GOLGA1: variants seen among roughly 807,000 people sequenced by gnomAD.
GOLGA1 encodes golgin A1, also known as golgin subfamily A member 1.
Under a neutral mutation model 119.7 loss-of-function variants are expected in GOLGA1, and 63 were observed. The observed-to-expected ratio is 0.53, with a 90% CI of 0.43 to 0.65. The LOEUF (loss-of-function observed/expected upper bound fraction) is 0.65. Among genes scored for constraint, GOLGA1 ranks in the 30% least tolerant of loss-of-function variants. The pLI, the probability that GOLGA1 is intolerant of heterozygous loss-of-function variation, is 0.00. For synonymous variants in GOLGA1, 318 were observed against 333.4 expected (o/e 0.95, Z 0.50); for missense variants, 798 against 912.8 (o/e 0.87, Z 1.62).
At chr9:124,929,123 C>A (rs1564343707) in intron 5 of GOLGA1, 93 bp downstream of exon 5, 1 of 744,676 alleles carries the variant, frequency 1.3e-6, no homozygotes, top group Non-Finnish European at 2.4e-6. Context: ...AAGATTTGTG[C>A]TTTGAAGAAG....
chr9:124,937,668 C>T (rs1348533971), intron 3 of GOLGA1, among the ~76,000 whole-genome samples: 1 of 151,436 alleles, frequency 6.6e-6, no homozygotes, highest in Non-Finnish European at 1.5e-5. Flanking sequence ...ATTTATCTAA[C>T]TTAAGAGGAT....
rs1210022900 is a variant in GOLGA1 at position 124,878,591 on chromosome 9, C to G, written c.*1939G>C. ...ATTTATTCCACTCTTCCTCTTAAAG[C>G]TGAAGGAAATTCAACATGCAGGAGG... is the stretch of plus-strand genomic sequence containing the variant. On this transcript the variant is annotated 3_prime_UTR_variant, in exon 23 of 23. Coordinates refer to ENST00000373555, the MANE Select transcript of GOLGA1 (RefSeq NM_002077.4). 1 of 152,536 alleles carries G rather than the reference C, an allele frequency of 6.6e-6. No individual in the cohort carries two copies. The highest frequency in any genetic ancestry group is 1.5e-5 in the Non-Finnish European group (1 of 68,046). The allele number at this position is 152,536 out of a possible 1,614,324, so 9.4% of individuals were successfully genotyped here.
intron 15 of GOLGA1, 53 bp downstream of exon 15, chr9:124,898,496 C>T: frequency 1.0e-6 from 1 of 991,190 alleles, no homozygotes; most frequent in South Asian, 1.3e-5. Flanking sequence ...TGTAAATACA[C>T]ATGTAGAAAA....
chr9:124,880,172 A>ACATG lies in GOLGA1; in HGVS notation c.*354_*357dup, dbSNP rs1212528516. Reference sequence around the variant, plus strand: ...CGTCTCTACCTCCAGTAGCAGCGCTACATGGTGACTCAGGTGTGCCTGCCA... The same window carrying ACATG: ...CGTCTCTACCTCCAGTAGCAGCGCTACATGCATGGTGACTCAGGTGTGCCTGCCA... On this transcript the variant is annotated 3_prime_UTR_variant, in exon 23 of 23. Coordinates refer to ENST00000373555, the MANE Select transcript of GOLGA1 (RefSeq NM_002077.4). The ACATG allele has an allele frequency of 5.0e-6, 1 of 199,362 alleles. No individual in the cohort carries two copies. Among genetic ancestry groups the ACATG allele is most frequent in the Non-Finnish European group, 1.1e-5 (1 of 94,858 alleles). The allele number at this position is 199,362 out of a possible 1,614,324, so 12.3% of individuals were successfully genotyped here.
rs1830770729 is a variant in GOLGA1, at chr9:124,931,476, A to G, written c.136-70T>C. On this transcript the variant is annotated intron_variant, in intron 3 of 22. Transcript: ENST00000373555. ...GACCACAATACTGAGCCAGAAAGTG[A>G]CAAGTCTTATTTTAGGTTTGGTTAC... The G allele has an allele frequency of 7.6e-6, 6 of 791,414 alleles. No individual in the cohort carries two copies. In the South Asian group the frequency reaches 8.4e-5, roughly 11 times the overall value. 49.0% of individuals were successfully genotyped at this position (791,414 alleles called of 1,614,324 possible). A position where few individuals can be genotyped will look rare whatever the true frequency, so the allele number is the denominator to read the frequency against.
chr9:124,921,055 C>T, intron 10 of GOLGA1, 74 bp downstream of exon 10: 1 of 921,036 alleles, frequency 1.1e-6, no homozygotes, highest in South Asian at 1.3e-5. Flanking sequence ...TAGCTACTCT[C>T]AGGCAGAAAT....
chr9:124,908,335 T>A (rs779318723), intron 12 of GOLGA1, 42 bp downstream of exon 12: 1 of 1,046,332 alleles, frequency 9.6e-7, no homozygotes. Flanking sequence ...TTCAGCCAGG[T>A]TACCACCCAA....
Position 124,903,180 on chromosome 9 carries a change from C to A in GOLGA1, c.1066-2633G>T, listed in dbSNP as rs113969503. On this transcript the variant is annotated intron_variant, in intron 12 of 22. Coordinates refer to ENST00000373555, the MANE Select transcript of GOLGA1 (RefSeq NM_002077.4). ...CAACAGCCAAAAGATAGAAACAACG[C>A]AAATGTCCATCAAAAGCTGGGTGTG... 2.0e-3 allele frequency among the ~76,000 whole-genome samples: 303 copies of A among 152,272 alleles called. 2 individuals are homozygous for A. The highest frequency in any genetic ancestry group is 6.6e-3 in the African/African-American group (274 of 41,562).
In GOLGA1 at chr9:124,883,104, A is replaced by AT. The variant is rs35331600; in HGVS notation, c.1906-536dup. ...TTTTAGATAAATAATTTGGAAAATA[A>AT]TTTTTTTTTTTTTGAGATGGAGTCT... On this transcript the variant is annotated intron_variant, in intron 19 of 22. Coordinates refer to ENST00000373555, the MANE Select transcript of GOLGA1 (RefSeq NM_002077.4). Among the ~76,000 whole-genome samples the AT allele has an allele frequency of 5.3e-3, 791 of 148,820 alleles. 6 individuals are homozygous for AT. The highest frequency in any genetic ancestry group is 0.018 in the African/African-American group (711 of 40,596).
intron 12 of GOLGA1, among the ~76,000 whole-genome samples, chr9:124,906,107 T>C (rs1406962564): frequency 1.1e-5 from 1 of 91,174 alleles, no homozygotes. Context: ...AGTGAGACTG[T>C]GTCTCCAAAA....
intron 7 of GOLGA1, among the ~76,000 whole-genome samples, chr9:124,925,782 T>TTCTATAGAACAGAAAGTAAA (rs1830660737): frequency 6.6e-6 from 1 of 152,190 alleles, no homozygotes; most frequent in East Asian, 1.9e-4. Flanking sequence ...AAAGTTAACT[T>TTCTATAGAACAGAAAGTAAA]GGTGTTTTAT....
At chr9:124,919,949 T>A (rs1270307364) in intron 10 of GOLGA1, among the ~76,000 whole-genome samples, 1 of 151,700 alleles carries the variant, frequency 6.6e-6, no homozygotes, top group Non-Finnish European at 1.5e-5. Flanking sequence ...TTTATTTATT[T>A]ATTTATTTAT....
Position 124,922,945 on chromosome 9 carries a change from T to G in GOLGA1, c.561+150A>C, listed in dbSNP as rs1830599470. The G allele has an allele frequency of 8.0e-6, 4 of 503,000 alleles. No individual in the cohort carries two copies. The South Asian group carries it at 1.3e-4, about 17-fold the overall frequency. 31.2% of individuals were successfully genotyped at this position (503,000 alleles called of 1,614,324 possible). On this transcript the variant is annotated intron_variant, in intron 8 of 22. Transcript: ENST00000373555. The stretch of plus-strand genomic sequence containing the variant: ...ACAGAACTTTTCTATTTTAATAAAT[T>G]TAAAAACATACAAATATGATTAATA...
At chr9:124,920,518 A>T (rs748358887) in intron 10 of GOLGA1, among the ~76,000 whole-genome samples, 1 of 152,202 alleles carries the variant, frequency 6.6e-6, no homozygotes, top group Non-Finnish European at 1.5e-5. Context: ...AATTGTAATG[A>T]CATCATTTGA....
Position 124,900,308 on chromosome 9 carries a change from C to T in GOLGA1, c.1161+144G>A, listed in dbSNP as rs775211853. 5 of 551,048 alleles carry T rather than the reference C, an allele frequency of 9.1e-6. No homozygotes were observed. The South Asian group carries it at 9.3e-5, about 10-fold the overall frequency. The allele number at this position is 551,048 out of a possible 1,614,324, so 34.1% of individuals were successfully genotyped here. A position where few individuals can be genotyped will look rare whatever the true frequency, so the allele number is the denominator to read the frequency against. ...GACTCCCTCCACCCCCTGCTGCTGG[C>T]CTGCTCACATCCAGCACAAGAACTG... On this transcript the variant is annotated intron_variant, in intron 13 of 22. Coordinates refer to ENST00000373555, the MANE Select transcript of GOLGA1 (RefSeq NM_002077.4).
intron 7 of GOLGA1, among the ~76,000 whole-genome samples, chr9:124,926,496 G>A (rs1164000405): frequency 6.6e-6 from 1 of 152,122 alleles, no homozygotes; most frequent in Non-Finnish European, 1.5e-5. Flanking sequence ...GAGAGGAGGA[G>A]TGCAGAGTAT....
At chr9:124,916,877 CAAAAA>C (rs71494043) in intron 10 of GOLGA1, among the ~76,000 whole-genome samples, 5 of 41,214 alleles carry the variant, frequency 1.2e-4, no homozygotes, top group Admixed American at 4.1e-4. Flanking sequence ...CCCTGACACA[CAAAAA>C]AAAAAAAAAA....
In GOLGA1 at chr9:124,921,774, C is replaced by T. The variant is rs1830574467; in HGVS notation, c.680G>A (p.Ser227Asn). The T allele has an allele frequency of 5.6e-6, 9 of 1,614,004 alleles. No individual in the cohort carries two copies. Among genetic ancestry groups the T allele is most frequent in the Non-Finnish European group, 6.8e-6 (8 of 1,179,848 alleles). The change falls in exon 9 of 23, where the codon AGC becomes AAC. Residue 227 changes from serine (S) to asparagine (N), a missense_variant. Transcript: ENST00000373555. ...MNSNQMSSDL[S>N]QKLEELQRHY... ...TCTCTGCAATTCTTCTAGCTTCTGG[C>T]TTAAGTCTGATGACATCTGATTGGA...
rs768663477 is a variant in GOLGA1 at position 124,889,302 on chromosome 9, A to G, written c.1602T>C (p.Gly534=). The change falls in exon 18 of 23, where the codon GGT becomes GGC. Residue 534 remains glycine (G), a splice_region_variant and synonymous_variant. Transcript: ENST00000373555. Reference sequence around the variant, plus strand: ...GTATCTGCAGCAGGGCAGAGTTGTGACCTAGGTCGGGGAGGAGGGGAGGGG... The same window carrying G: ...GTATCTGCAGCAGGGCAGAGTTGTGGCCTAGGTCGGGGAGGAGGGGAGGGG... The part of the protein sequence containing the change: ...KEQEILQLER[G]HNSALLQIHQ... The G allele has an allele frequency of 6.2e-7, 1 of 1,612,926 alleles. No individual in the cohort carries two copies. Among genetic ancestry groups the G allele is most frequent in the Non-Finnish European group, 8.5e-7 (1 of 1,179,424 alleles).
Sources: gnomAD v4.1 joint callset for allele counts (sites outside exome capture counted in the v4.1 genomes callset) on GRCh38, gnomAD v4.1.1 for gene constraint, MANE v1.5 for transcripts, NCBI Gene and HGNC (gene_info 2026-07-23, HGNC 2026-07-21) for gene names.